The following STK32C variants were observed in gnomAD, a reference collection of about 807,000 sequenced individuals.
The protein encoded by STK32C is serine/threonine kinase 32C.
In STK32C, 31 loss-of-function variants were observed where a neutral mutation model predicts 56.5. The ratio of observed to expected loss-of-function variants is 0.55; its 90% CI spans 0.41 to 0.74. The LOEUF (loss-of-function observed/expected upper bound fraction) is 0.74, where lower values mean the gene tolerates loss of function less well. Ranked by LOEUF, STK32C falls within the 30% of genes least tolerant of loss-of-function variation. STK32C has a pLI of 0.00. For synonymous variants in STK32C, 309 were observed against 289.4 expected (o/e 1.07, Z -0.69); for missense variants, 544 against 676.9 (o/e 0.80, Z 2.18).
At chr10:132,291,548 C>T (rs1444047438) in intron 1 of STK32C, among the ~76,000 whole-genome samples, 1 of 152,212 alleles carries the variant, frequency 6.6e-6, no homozygotes, top group East Asian at 1.9e-4. Context: ...CACGAGATGC[C>T]AGCCCGCCCA....
rs191050408 is a variant in STK32C, at chr10:132,224,870, G to A, written c.877-347C>T. ...TCCACAAGAGGACCCCCAGCCTCCCGGTCTCCAGGACTGGCCTCGCCGTGG... is the reference window on the plus strand; with the variant it reads ...TCCACAAGAGGACCCCCAGCCTCCCAGTCTCCAGGACTGGCCTCGCCGTGG... On this transcript the variant is annotated intron_variant, in intron 7 of 11. Transcript: ENST00000298630. 2.3e-3 allele frequency among the ~76,000 whole-genome samples: 352 copies of A among 152,250 alleles called. 5 individuals carry two copies. The highest frequency in any genetic ancestry group is 0.015 in the Admixed American group (222 of 15,302).
rs560318677 is a variant in STK32C at position 132,271,526 on chromosome 10, G to A, written c.263-25571C>T. ...GCCTCACACAGAAAGATGTTGTCCC[G>A]TCCATTGTGGCCAAATCTGACCCCA... On this transcript the variant is annotated intron_variant, in intron 1 of 11. Coordinates refer to ENST00000298630, the MANE Select transcript of STK32C (RefSeq NM_173575.4). Among the ~76,000 whole-genome samples, 24 of 152,250 alleles carry A rather than the reference G, an allele frequency of 1.6e-4. No homozygotes were observed. The East Asian group carries it at 3.1e-3, about 20-fold the overall frequency.
chr10:132,304,956 C>A (rs1315196522), intron 1 of STK32C, among the ~76,000 whole-genome samples: 1 of 152,166 alleles, frequency 6.6e-6, no homozygotes, highest in East Asian at 1.9e-4. Flanking sequence ...CGGGCGAGCG[C>A]CCCCCAGGTT....
At chr10:132,314,303 C>T (rs2066275053) in intron 1 of STK32C, among the ~76,000 whole-genome samples, 1 of 152,230 alleles carries the variant, frequency 6.6e-6, no homozygotes, top group African/African-American at 2.4e-5. Flanking sequence ...GCTTTTCTGA[C>T]ATTCCCTGGA....
intron 10 of STK32C, among the ~76,000 whole-genome samples, chr10:132,214,413 G>A (rs2062405363): frequency 1.3e-5 from 2 of 152,150 alleles, no homozygotes; most frequent in Non-Finnish European, 2.9e-5. Flanking sequence ...TCTATATCCA[G>A]TGAAATTATT....
At chr10:132,273,251 A>C (rs1452177200) in intron 1 of STK32C, among the ~76,000 whole-genome samples, 2 of 152,044 alleles carry the variant, frequency 1.3e-5, no homozygotes, top group Admixed American at 6.6e-5. Flanking sequence ...CCCCACCAAG[A>C]GGGCAGCCCC....
At chr10:132,236,631 C>T (rs930425366) in intron 2 of STK32C, among the ~76,000 whole-genome samples, 20 of 152,184 alleles carry the variant, frequency 1.3e-4, no homozygotes, top group African/African-American at 3.4e-4. Context: ...CACACCAGAA[C>T]GGCTCAGTCA....
At chr10:132,261,707 G>GT (rs1273744666) in intron 1 of STK32C, among the ~76,000 whole-genome samples, 1 of 152,206 alleles carries the variant, frequency 6.6e-6, no homozygotes, top group Non-Finnish European at 1.5e-5. Flanking sequence ...AGAGGTTGCA[G>GT]TGAGCCAAGA....
intron 1 of STK32C, among the ~76,000 whole-genome samples, chr10:132,252,416 A>G (rs1223013171): frequency 2.6e-5 from 4 of 152,278 alleles, no homozygotes; most frequent in Non-Finnish European, 4.4e-5. Context: ...ACGGGGACCA[A>G]GACTGGTCTG....
rs535504813 is a variant in STK32C, at chr10:132,211,786, C to G, written c.1252-2685G>C. 3.3e-5 allele frequency among the ~76,000 whole-genome samples: 5 copies of G among 152,290 alleles called. No homozygotes were observed. In the South Asian group the frequency reaches 1.0e-3, roughly 32 times the overall value. ...CCCAGCTCCCTCAGGGCAGGGACCTCTTGAACCGCAAGTGACGCTCCAGGT... is the reference window on the plus strand; with the variant it reads ...CCCAGCTCCCTCAGGGCAGGGACCTGTTGAACCGCAAGTGACGCTCCAGGT... On this transcript the variant is annotated intron_variant, in intron 10 of 11. Coordinates refer to ENST00000298630, the MANE Select transcript of STK32C (RefSeq NM_173575.4).
intron 1 of STK32C, among the ~76,000 whole-genome samples, chr10:132,297,244 C>T (rs576063469): frequency 9.8e-5 from 15 of 152,350 alleles, no homozygotes; most frequent in African/African-American, 3.1e-4. Context: ...GGACATGCCC[C>T]AGCCCCTCCT....
chr10:132,307,795 C>T lies in STK32C; in HGVS notation c.39G>A (p.Ala13=), dbSNP rs1335781027. The T allele has an allele frequency of 7.0e-6, 7 of 999,370 alleles. No homozygotes were observed. Among genetic ancestry groups the T allele is most frequent in the Non-Finnish European group, 8.3e-6 (7 of 840,330 alleles). The allele number at this position is 999,370 out of a possible 1,614,324, so 61.9% of individuals were successfully genotyped here. A position where few individuals can be genotyped will look rare whatever the true frequency, so the allele number is the denominator to read the frequency against. The change falls in exon 1 of 12, where the codon GCG becomes GCA. Residue 13 remains alanine, a synonymous_variant. Coordinates refer to ENST00000298630, the MANE Select transcript of STK32C (RefSeq NM_173575.4). This position sits in a 1 kb window ranked among gnomAD's most constrained non-coding sequence, Gnocchi z 4.4. ...CGGGGGGCGGCGAGCCCGGGGACGCCGCGGCGCTGCTGCCCCTGCGCTCGG... is the reference window on the plus strand; with the variant it reads ...CGGGGGGCGGCGAGCCCGGGGACGCTGCGGCGCTGCTGCCCCTGCGCTCGG... ...SGAERRGSSA[A]ASPGSPPPGR... is the part of the protein sequence containing the mutation.
At chr10:132,290,187 G>A (rs1301224933) in intron 1 of STK32C, among the ~76,000 whole-genome samples, 1 of 152,152 alleles carries the variant, frequency 6.6e-6, no homozygotes. Flanking sequence ...GCAGGGCTGG[G>A]CCATGCCTCC....
intron 1 of STK32C, among the ~76,000 whole-genome samples, chr10:132,263,928 G>T (rs1163131313): frequency 6.6e-6 from 1 of 151,814 alleles, no homozygotes; most frequent in African/African-American, 2.4e-5. Context: ...AGTGACACAT[G>T]GTCCAAGCTG....
intron 2 of STK32C, among the ~76,000 whole-genome samples, chr10:132,232,080 C>T (rs1402156426): frequency 6.6e-6 from 1 of 152,250 alleles, no homozygotes; most frequent in Non-Finnish European, 1.5e-5. Context: ...CCTGCGGCCA[C>T]GCCTGCAGGC....
chr10:132,258,679 C>T (rs75172023), intron 1 of STK32C, among the ~76,000 whole-genome samples: 2,281 of 152,346 alleles, frequency 0.015, 25 homozygotes, highest in Admixed American at 0.038. Flanking sequence ...CGACTGCTGT[C>T]CACGCTGACG....
intron 10 of STK32C, among the ~76,000 whole-genome samples, chr10:132,217,770 C>T (rs974164087): frequency 1.1e-4 from 16 of 152,118 alleles, no homozygotes; most frequent in African/African-American, 2.2e-4. Flanking sequence ...CTTTGCCTGC[C>T]GCCATCCATG....
rs2066124978 is a variant in STK32C, at chr10:132,307,783, G to T, written c.51C>A (p.Gly17=). 3 of 993,054 alleles carry T rather than the reference G, an allele frequency of 3.0e-6. No homozygotes were observed. The highest frequency in any genetic ancestry group is 3.6e-6 in the Non-Finnish European group (3 of 836,760). The allele number at this position is 993,054 out of a possible 1,614,324, so 61.5% of individuals were successfully genotyped here. The change falls in exon 1 of 12, where the codon GGC becomes GGA. Residue 17 remains glycine, a synonymous_variant. Transcript: ENST00000298630. This position sits in a 1 kb window ranked among gnomAD's most constrained non-coding sequence, Gnocchi z 4.4. ...RRGSSAAASP[G]SPPPGRARPA... ...GGCGCGCGCGGCCGGGGGGCGGCGA[G>T]CCCGGGGACGCCGCGGCGCTGCTGC...
intron 1 of STK32C, among the ~76,000 whole-genome samples, chr10:132,254,975 C>T (rs914725624): frequency 1.3e-5 from 2 of 151,954 alleles, no homozygotes; most frequent in Non-Finnish European, 2.9e-5. Context: ...CCCTTCACAG[C>T]CCACCCCACC....
Sources: gnomAD v4.1 joint callset for allele counts (sites outside exome capture counted in the v4.1 genomes callset) on GRCh38, gnomAD v4.1.1 for gene constraint, Gnocchi (gnomAD v3.1) non-coding constraint, MANE v1.5 for transcripts, NCBI Gene and HGNC (gene_info 2026-07-23, HGNC 2026-07-21) for gene names.